Variants in EYS observed in about 807,000 individuals in gnomAD.
The protein encoded by EYS is protein eyes shut homolog.
A neutral mutation model predicts 282.1 loss-of-function variants in EYS; 250 were observed. The observed-to-expected ratio is 0.89, with a 90% CI of 0.80 to 0.98. The LOEUF (loss-of-function observed/expected upper bound fraction) is 0.98, where lower values mean the gene tolerates loss of function less well. EYS is among the 50% of genes least tolerant of loss of function. EYS has a pLI of 0.00. For missense variants in EYS, 4,016 were observed against 3,709.0 expected, an observed-to-expected ratio of 1.08 and a Z score of -2.15; for synonymous variants, 1,355 against 1,282.9, an observed-to-expected ratio of 1.06 and a Z score of -1.20.
At chr6:63,806,398 TTAAAA>T in intron 36 of EYS, 26 bp from the exon 37 acceptor site, 1 of 1,505,390 alleles carries the variant, frequency 6.6e-7, no homozygotes, top group Non-Finnish European at 8.9e-7. Flanking sequence ...AACCAAACAG[TTAAAA>T]TAAACCTGTA....
intron 36 of EYS, among the ~76,000 whole-genome samples, 178 bp downstream of exon 36, chr6:63,864,008 G>A (rs1772610840): frequency 1.3e-5 from 2 of 152,236 alleles, no homozygotes; most frequent in Non-Finnish European, 2.9e-5. Context: ...GGTATGAGAA[G>A]TACCTGCTTG....
intron 12 of EYS, among the ~76,000 whole-genome samples, chr6:65,209,894 G>T (rs9453225): frequency 0.016 from 2,357 of 151,990 alleles, 44 homozygotes; most frequent in African/African-American, 0.049. Flanking sequence ...CCCCAGGTGG[G>T]AAATAGGTTG....
At chr6:64,594,084 T>C (rs973628775) in intron 24 of EYS, among the ~76,000 whole-genome samples, 13 of 152,158 alleles carry the variant, frequency 8.5e-5, no homozygotes, top group Admixed American at 5.9e-4. Flanking sequence ...CTAATATTTG[T>C]TAAATATTAC....
intron 2 of EYS, among the ~76,000 whole-genome samples, chr6:65,540,291 T>C (rs372191370): frequency 7.2e-5 from 11 of 152,080 alleles, no homozygotes; most frequent in African/African-American, 2.2e-4. Context: ...GCATAAATAC[T>C]TTGTGGGCAA....
At chr6:63,901,974 C>A (rs1004610524) in intron 35 of EYS, among the ~76,000 whole-genome samples, 1 of 152,122 alleles carries the variant, frequency 6.6e-6, no homozygotes, top group Non-Finnish European at 1.5e-5. Context: ...CTCACTGCAA[C>A]TTCTGCCCCC....
chr6:65,295,441 C>G (rs1297402927), intron 12 of EYS, among the ~76,000 whole-genome samples: 2 of 151,834 alleles, frequency 1.3e-5, no homozygotes, highest in African/African-American at 4.8e-5. Context: ...TCAAACTGAC[C>G]TAGACAATAC....
intron 8 of EYS, among the ~76,000 whole-genome samples, chr6:65,361,246 G>A (rs1764693640): frequency 6.6e-6 from 1 of 151,926 alleles, no homozygotes; most frequent in African/African-American, 2.4e-5. Context: ...ATAGCATTTG[G>A]AGGTATACTT....
chr6:64,861,250 C>T (rs932769356), intron 19 of EYS, among the ~76,000 whole-genome samples: 11 of 152,276 alleles, frequency 7.2e-5, no homozygotes, highest in East Asian at 1.9e-4. Context: ...GGGGCTGAGG[C>T]GGCAGGGGAC....
rs142032393 is a variant in EYS, at chr6:63,878,912, T to C, written c.7056-14554A>G. On this transcript the variant is annotated intron_variant, in intron 35 of 42. Transcript: ENST00000503581. ...TGGCTAGGAAAGGGAATTCCCCGAC[T>C]CCTTATGCTTCCTGGGTGAGACGAT... 7.6e-3 allele frequency among the ~76,000 whole-genome samples: 1,160 copies of C among 152,260 alleles called. 19 individuals are homozygous for C. Among genetic ancestry groups the C allele is most frequent in the African/African-American group, 0.026 (1,088 of 41,576 alleles).
At chr6:65,540,805 C>T (rs1768140517) in intron 2 of EYS, among the ~76,000 whole-genome samples, 1 of 152,048 alleles carries the variant, frequency 6.6e-6, no homozygotes. Flanking sequence ...CACCTGTGAT[C>T]TCAGCTACCA....
intron 12 of EYS, among the ~76,000 whole-genome samples, chr6:65,075,466 A>G (rs765392214): frequency 2.2e-4 from 34 of 152,040 alleles, no homozygotes; most frequent in Non-Finnish European, 1.9e-4. Context: ...TTGCTAATTT[A>G]TGTGTTTTTC....
chr6:65,182,051 C>T (rs1051999590), intron 12 of EYS, among the ~76,000 whole-genome samples: 2 of 151,610 alleles, frequency 1.3e-5, no homozygotes, highest in Non-Finnish European at 2.9e-5. Context: ...CACACCGGGG[C>T]CTGTTTTGGG....
chr6:64,671,708 A>C (rs1769467446), intron 22 of EYS, among the ~76,000 whole-genome samples: 1 of 152,142 alleles, frequency 6.6e-6, no homozygotes, highest in South Asian at 2.1e-4. Context: ...AAGGCTTCTC[A>C]GTTGTGTATT....
intron 16 of EYS, among the ~76,000 whole-genome samples, chr6:64,909,227 A>G (rs974937665): frequency 6.6e-6 from 1 of 152,168 alleles, no homozygotes; most frequent in Non-Finnish European, 1.5e-5. Context: ...TATTTTTAAA[A>G]TTTCTAGAAC....
chr6:64,858,180 T>C lies in EYS; in HGVS notation c.2992+28517A>G, dbSNP rs555996974. 1.1e-3 allele frequency among the ~76,000 whole-genome samples: 169 copies of C among 152,302 alleles called. 1 individual carries two copies. The highest frequency in any genetic ancestry group is 3.9e-3 in the African/African-American group (163 of 41,584). ...TTAAAAAAATTATTGGCCAAACCAA[T>C]GTAATGGAGATTGTTGGCTATGTTT... On this transcript the variant is annotated intron_variant, in intron 19 of 42. Coordinates refer to ENST00000503581, the MANE Select transcript of EYS (RefSeq NM_001142800.2).
chr6:65,282,642 GGGGCCGAATGAGA>G (rs1426168412), intron 12 of EYS, among the ~76,000 whole-genome samples: 3 of 151,824 alleles, frequency 2.0e-5, no homozygotes, highest in East Asian at 3.9e-4. Flanking sequence ...CATACTTTCT[GGGGCCGAATGAGA>G]TAATACATTT....
chr6:65,560,449 C>T (rs964855993), intron 2 of EYS, among the ~76,000 whole-genome samples: 1 of 146,920 alleles, frequency 6.8e-6, no homozygotes, highest in African/African-American at 2.5e-5. Context: ...TTGCAGGACA[C>T]AAATAAAGGT....
rs539474762 is a variant in EYS at position 64,917,103 on chromosome 6, C to T, written c.2382-4360G>A. Among the ~76,000 whole-genome samples the T allele has an allele frequency of 1.7e-4, 26 of 152,154 alleles. No homozygotes were observed. The East Asian group carries it at 4.3e-3, about 25-fold the overall frequency. ...GTCTCTACTAAAAATACAAAAATTACCCAGGCGTGGCAGCACGCGCCTGTA... is the reference window on the plus strand; with the variant it reads ...GTCTCTACTAAAAATACAAAAATTATCCAGGCGTGGCAGCACGCGCCTGTA... On this transcript the variant is annotated intron_variant, in intron 15 of 42. Transcript: ENST00000503581.
At chr6:65,573,505 A>G (rs1342975354) in intron 2 of EYS, among the ~76,000 whole-genome samples, 2 of 152,062 alleles carry the variant, frequency 1.3e-5, no homozygotes, top group East Asian at 3.9e-4. Flanking sequence ...CTGTTCAGTC[A>G]CCTCAGGAAA....
Sources: allele counts gnomAD v4.1 joint callset (sites outside exome capture counted in the v4.1 genomes callset), GRCh38; gene constraint gnomAD v4.1.1; transcripts MANE v1.5; gene names NCBI Gene and HGNC (gene_info 2026-07-23, HGNC 2026-07-21).